The following MUC15 variants were observed in gnomAD, a reference collection of about 807,000 sequenced individuals.
MUC15 encodes mucin 15, cell surface associated, also known as mucin-15.
MUC15 carries 23 observed loss-of-function variants against 24.0 expected under a neutral mutation model. The observed-to-expected ratio is 0.96, with a 90% CI of 0.69 to 1.36. MUC15 has a LOEUF of 1.36. MUC15 is among the 40% of genes most tolerant of loss of function. The pLI, the probability that MUC15 is intolerant of heterozygous loss-of-function variation, is 0.00. For synonymous variants in MUC15, 151 were observed against 156.3 expected (o/e 0.97, Z 0.25); for missense variants, 442 against 428.2 (o/e 1.03, Z -0.29).
In MUC15 at chr11:26,559,821, A is replaced by G. The variant is rs774622680; in HGVS notation, c.*1244T>C. 1.6e-6 allele frequency: 2 copies of G among 1,254,224 alleles called. No homozygotes were observed. The highest frequency in any genetic ancestry group is 3.5e-5 in the Admixed American group (2 of 57,426). The allele number at this position is 1,254,224 out of a possible 1,614,324, so 77.7% of individuals were successfully genotyped here. A position where few individuals can be genotyped will look rare whatever the true frequency, so the allele number is the denominator to read the frequency against. On this transcript the variant is annotated 3_prime_UTR_variant, in exon 5 of 5. Transcript: ENST00000529533. ...TTACTTTCTATCCCTTATTTTCTGA[A>G]GCTGTTTCTGTGTTACACACACACA...
intron 1 of MUC15, among the ~76,000 whole-genome samples, chr11:26,567,792 G>C (rs185318942): frequency 4.5e-4 from 68 of 152,062 alleles, no homozygotes; most frequent in Admixed American, 1.0e-3. Flanking sequence ...TAACAGATTG[G>C]ATAATAAACT....
At chr11:26,566,453 T>C (rs1850587822) in intron 2 of MUC15, among the ~76,000 whole-genome samples, 1 of 151,944 alleles carries the variant, frequency 6.6e-6, no homozygotes, top group Non-Finnish European at 1.5e-5. Flanking sequence ...TACATTTTAT[T>C]AGTATCTAGT....
chr11:26,565,957 A>G, intron 2 of MUC15, 61 bp from the exon 3 acceptor site: 1 of 1,374,342 alleles, frequency 7.3e-7, no homozygotes. Context: ...TTTTAAATGG[A>G]TCTATATATT....
Position 26,567,130 on chromosome 11 carries a change from G to T in MUC15, c.-36C>A. The T allele has an allele frequency of 7.0e-7, 1 of 1,431,854 alleles. No individual in the cohort carries two copies. Among genetic ancestry groups the T allele is most frequent in the Non-Finnish European group, 9.2e-7 (1 of 1,084,094 alleles). 88.7% of individuals were successfully genotyped at this position (1,431,854 alleles called of 1,614,324 possible). A position where few individuals can be genotyped will look rare whatever the true frequency, so the allele number is the denominator to read the frequency against. On this transcript the variant is annotated 5_prime_UTR_variant, in exon 2 of 5. Transcript: ENST00000529533. ...AAGAAACTGAAGCTCACAATGGCTA[G>T]TAACAGAAGCTGGAAAATGGAAGAG...
chr11:26,560,566 A>C lies in MUC15; in HGVS notation c.*499T>G, dbSNP rs1850248566. The C allele has an allele frequency of 6.5e-6, 1 of 153,166 alleles. No homozygotes were observed. The highest frequency in any genetic ancestry group is 2.1e-4 in the South Asian group (1 of 4,858). The allele number at this position is 153,166 out of a possible 1,614,324, so 9.5% of individuals were successfully genotyped here. A position where few individuals can be genotyped will look rare whatever the true frequency, so the allele number is the denominator to read the frequency against. On this transcript the variant is annotated 3_prime_UTR_variant, in exon 5 of 5. Transcript: ENST00000529533. The stretch of plus-strand genomic sequence containing the variant: ...GTCATTTCTATTGCCTCAATTTCCC[A>C]ATAACAGAAACTCTGGGCTATGTCC...
intron 1 of MUC15, among the ~76,000 whole-genome samples, chr11:26,571,473 A>C (rs1311661121): frequency 6.6e-6 from 1 of 152,120 alleles, no homozygotes; most frequent in East Asian, 1.9e-4. Context: ...TATCATGCTA[A>C]ATAATTATAT....
chr11:26,569,925 A>G (rs922186104), intron 1 of MUC15, among the ~76,000 whole-genome samples: 9 of 151,838 alleles, frequency 5.9e-5, no homozygotes, highest in South Asian at 2.1e-4. Flanking sequence ...TAATGATTTC[A>G]CCTCCTGATC....
chr11:26,565,873 G>A lies in MUC15; in HGVS notation c.67C>T (p.Pro23Ser), dbSNP rs199701796. The A allele has an allele frequency of 6.3e-7, 1 of 1,579,150 alleles. No homozygotes were observed. Among genetic ancestry groups the A allele is most frequent in the Non-Finnish European group, 8.5e-7 (1 of 1,170,300 alleles). The change falls in exon 3 of 5, where the codon CCA (proline) becomes TCA (serine). Residue 23 changes from proline (P) to serine (S), a missense_variant. Pro to Ser is a moderately conservative substitution (Grantham distance 74, BLOSUM62 -1). Coordinates refer to ENST00000529533, the MANE Select transcript of MUC15 (RefSeq NM_001135091.2). ...DCYSFKKKPI[P>S]KKPTMLALAK... ...AAGGCCAACATTGTAGGCTTCTTTG[G>A]TATTGGTTTTTTTTTAAAGGAATCT...
intron 1 of MUC15, among the ~76,000 whole-genome samples, chr11:26,569,851 G>A (rs1850749818): frequency 6.6e-6 from 1 of 152,064 alleles, no homozygotes; most frequent in African/African-American, 2.4e-5. Context: ...CACTGTGGGG[G>A]CAGACAGAAG....
Position 26,559,825 on chromosome 11 carries a change from G to T in MUC15, c.*1240C>A, listed in dbSNP as rs1173121605. On this transcript the variant is annotated 3_prime_UTR_variant, in exon 5 of 5. Transcript: ENST00000529533. ...TTTCTATCCCTTATTTTCTGAAGCT[G>T]TTTCTGTGTTACACACACACACACA... 1.7e-6 allele frequency: 2 copies of T among 1,174,656 alleles called. No individual in the cohort carries two copies. Among genetic ancestry groups the T allele is most frequent in the Admixed American group, 3.6e-5 (2 of 55,896 alleles). The allele number at this position is 1,174,656 out of a possible 1,614,324, so 72.8% of individuals were successfully genotyped here. A position where few individuals can be genotyped will look rare whatever the true frequency, so the allele number is the denominator to read the frequency against.
Position 26,559,643 on chromosome 11 carries a change from C to T in MUC15, c.*1422G>A, listed in dbSNP as rs755154989. ...TTCTATTTGAGAAAAAATCATAGTACCTGAGTGCAAACAGTATTCACTGGC... is the reference window on the plus strand; with the variant it reads ...TTCTATTTGAGAAAAAATCATAGTATCTGAGTGCAAACAGTATTCACTGGC... On this transcript the variant is annotated 3_prime_UTR_variant, in exon 5 of 5. Transcript: ENST00000529533. 41 of 985,688 alleles carry T rather than the reference C, an allele frequency of 4.2e-5. No homozygotes were observed. The highest frequency in any genetic ancestry group is 6.0e-5 in the Non-Finnish European group (37 of 612,882). 61.1% of individuals were successfully genotyped at this position (985,688 alleles called of 1,614,324 possible). A position where few individuals can be genotyped will look rare whatever the true frequency, so the allele number is the denominator to read the frequency against.
In MUC15 at chr11:26,563,395, C is replaced by CTGTGTGTG. The variant is rs71047867; in HGVS notation, c.776-138_776-131dup. ...ATTAGATAATGGTGTGTTTCTCTCT[C>CTGTGTGTG]TGTGTGTGTGTGTGTGTGTGTGTGT... On this transcript the variant is annotated intron_variant, in intron 3 of 4. Coordinates refer to ENST00000529533, the MANE Select transcript of MUC15 (RefSeq NM_001135091.2). The CTGTGTGTG allele has an allele frequency of 5.2e-3, 2,830 of 539,926 alleles. 55 individuals carry two copies. Among genetic ancestry groups the CTGTGTGTG allele is most frequent in the African/African-American group, 0.039 (1,914 of 49,546 alleles). 33.4% of individuals were successfully genotyped at this position (539,926 alleles called of 1,614,324 possible).
Position 26,567,069 on chromosome 11 carries a change from G to A in MUC15, c.26C>T (p.Ala9Val). 1 of 1,507,012 alleles carries A rather than the reference G, an allele frequency of 6.6e-7. No individual in the cohort carries two copies. Among genetic ancestry groups the A allele is most frequent in the South Asian group, 1.3e-5 (1 of 75,140 alleles). 93.4% of individuals were successfully genotyped at this position (1,507,012 alleles called of 1,614,324 possible). Residue 9 changes from alanine to valine, a missense_variant, in exon 2 of 5, where the codon GCC (alanine) becomes GTC (valine). Coordinates refer to ENST00000529533, the MANE Select transcript of MUC15 (RefSeq NM_001135091.2). MGIIQSIL[A>V]TSRDCYSFKK... The stretch of plus-strand genomic sequence containing the variant: ...ATACTTACAACAATCCCTTGATGTG[G>A]CAAGAATAGATTGTATTATGCCCAT...
At chr11:26,568,892 T>A (rs1469595463) in intron 1 of MUC15, among the ~76,000 whole-genome samples, 5 of 152,104 alleles carry the variant, frequency 3.3e-5, no homozygotes, top group Admixed American at 6.6e-5. Context: ...CGGCATGTGA[T>A]CTAATTTGTC....
chr11:26,560,366 C>T lies in MUC15; in HGVS notation c.*699G>A, dbSNP rs1850239299. On this transcript the variant is annotated 3_prime_UTR_variant, in exon 5 of 5. Transcript: ENST00000529533. The stretch of plus-strand genomic sequence containing the variant: ...AATTGAAGCCTAAGATATATTAAGA[C>T]AAGTTAAAATTCCCAAAACCTTTGA... The T allele has an allele frequency of 6.6e-6, 1 of 151,854 alleles. No individual in the cohort carries two copies. Among genetic ancestry groups the T allele is most frequent in the Non-Finnish European group, 1.5e-5 (1 of 67,984 alleles). 9.4% of individuals were successfully genotyped at this position (151,854 alleles called of 1,614,324 possible).
chr11:26,564,784 T>TATAG (rs1850498072), intron 3 of MUC15, among the ~76,000 whole-genome samples: 1 of 99,880 alleles, frequency 1.0e-5, no homozygotes, highest in African/African-American at 3.5e-5. Flanking sequence ...TATATATATA[T>TATAG]AAGTTCAGTT....
rs1324484561 is a variant in MUC15 at position 26,563,391 on chromosome 11, C to CTG, written c.776-127_776-126insCA. On this transcript the variant is annotated intron_variant, in intron 3 of 4. Coordinates refer to ENST00000529533, the MANE Select transcript of MUC15 (RefSeq NM_001135091.2). ...TAAAATTAGATAATGGTGTGTTTCT[C>CTG]TCTCTGTGTGTGTGTGTGTGTGTGT... The CTG allele has an allele frequency of 3.3e-4, 281 of 840,850 alleles. No homozygotes were observed. In the African/African-American group the frequency reaches 6.9e-3, roughly 21 times the overall value. 52.1% of individuals were successfully genotyped at this position (840,850 alleles called of 1,614,324 possible).
intron 3 of MUC15, among the ~76,000 whole-genome samples, chr11:26,564,765 A>C: frequency 9.9e-6 from 1 of 101,450 alleles, no homozygotes; most frequent in Non-Finnish European, 2.0e-5. Flanking sequence ...ATATATATAT[A>C]TATATATATA....
At chr11:26,570,226 A>G (rs1396070391) in intron 1 of MUC15, among the ~76,000 whole-genome samples, 1 of 152,138 alleles carries the variant, frequency 6.6e-6, no homozygotes, top group Non-Finnish European at 1.5e-5. Context: ...AATGAACACG[A>G]CTTTCGCCTT....
Sources: gnomAD v4.1 joint callset for allele counts (sites outside exome capture counted in the v4.1 genomes callset) on GRCh38, gnomAD v4.1.1 for gene constraint, MANE v1.5 for transcripts, NCBI Gene and HGNC (gene_info 2026-07-23, HGNC 2026-07-21) for gene names.